The following ECPAS variants were observed in gnomAD, a reference collection of about 807,000 sequenced individuals.
The protein encoded by ECPAS is Ecm29 proteasome adaptor and scaffold, also known as proteasome adapter and scaffold protein ECM29.
ECPAS carries 70 observed loss-of-function variants against 255.1 expected under a neutral mutation model. The observed-to-expected ratio is 0.27, with a 90% CI of 0.23 to 0.33. The LOEUF is 0.33. Ranked by LOEUF, ECPAS falls within the 10% of genes least tolerant of loss-of-function variation. The pLI is 1.00. For missense variants in ECPAS, 1,817 were observed against 2,206.4 expected (o/e 0.82, Z 3.54); for synonymous variants, 784 against 775.0 (o/e 1.01, Z -0.19).
Position 111,370,431 on chromosome 9 carries a change from T to TTA in ECPAS, c.4974+2_4974+3dup. On this transcript the variant is annotated splice_donor_region_variant and intron_variant, in intron 45 of 49. Transcript: ENST00000684092. ...ACCAGAACTGAGGATACAGGTGGTA[T>TTA]TACCTTCTTGATGAGAGGTATGACA... is the stretch of plus-strand genomic sequence containing the variant. 1 of 1,567,094 alleles carries TTA rather than the reference T, an allele frequency of 6.4e-7. No individual in the cohort carries two copies. The highest frequency in any genetic ancestry group is 8.7e-7 in the Non-Finnish European group (1 of 1,153,238).
In ECPAS at chr9:111,378,595, C is replaced by T. The variant is rs199912186; in HGVS notation, c.3939G>A (p.Ala1313=). The T allele has an allele frequency of 9.9e-6, 16 of 1,613,190 alleles. No homozygotes were observed. The Admixed American group carries it at 1.7e-4, about 17-fold the overall frequency. The change falls in exon 36 of 50, where the codon GCG becomes GCA. Residue 1313 remains alanine, a synonymous_variant. Transcript: ENST00000684092. ...PQVLNYLSLR[A]TEQEKAAMDS... is the part of the protein sequence containing the mutation. The stretch of plus-strand genomic sequence containing the variant: ...ATCCACTCACCTTTTCTTGCTCTGT[C>T]GCCCGGAGGCTCAAATAATTGAGAA...
In ECPAS at chr9:111,375,640, C is replaced by T. The variant is rs930290458; in HGVS notation, c.4021-438G>A. ...TTGCTGGCCTTTATTTTTGAAAATG[C>T]AATTAACATGTTTTCTATTACTAAT... On this transcript the variant is annotated intron_variant, in intron 37 of 49. Coordinates refer to ENST00000684092, the MANE Select transcript of ECPAS (RefSeq NM_001364929.1). Among the ~76,000 whole-genome samples the T allele has an allele frequency of 6.6e-5, 10 of 152,106 alleles. No homozygotes were observed. The East Asian group carries it at 1.9e-3, about 29-fold the overall frequency.
chr9:111,410,821 C>A (rs1165935180), intron 22 of ECPAS, among the ~76,000 whole-genome samples, 159 bp downstream of exon 22: 1 of 152,016 alleles, frequency 6.6e-6, no homozygotes, highest in Non-Finnish European at 1.5e-5. Flanking sequence ...ACCCAGCCTT[C>A]GTTGTTACTA....
chr9:111,413,522 G>A (rs1460874805), intron 20 of ECPAS, among the ~76,000 whole-genome samples: 1 of 152,108 alleles, frequency 6.6e-6, no homozygotes, highest in Non-Finnish European at 1.5e-5. Flanking sequence ...GTTTGTCAGA[G>A]GGGAGAGGAA....
intron 2 of ECPAS, among the ~76,000 whole-genome samples, chr9:111,472,292 C>T (rs2098289480): frequency 1.3e-5 from 2 of 152,060 alleles, no homozygotes; most frequent in South Asian, 4.1e-4. Flanking sequence ...TCCATGATGG[C>T]ATTCCTCGAG....
intron 2 of ECPAS, among the ~76,000 whole-genome samples, chr9:111,453,944 G>A (rs1252866881): frequency 6.6e-6 from 1 of 151,882 alleles, no homozygotes; most frequent in East Asian, 1.9e-4. Context: ...GGACATTAAT[G>A]AAAAAACTGG....
At chr9:111,421,427 G>GTGTGTT (rs978515899) in intron 15 of ECPAS, among the ~76,000 whole-genome samples, 1 of 151,396 alleles carries the variant, frequency 6.6e-6, no homozygotes, top group African/African-American at 2.4e-5. Context: ...GTGTGTGTGT[G>GTGTGTT]TGTGTGTGTG....
intron 2 of ECPAS, among the ~76,000 whole-genome samples, chr9:111,470,261 C>T (rs1026601578): frequency 6.6e-6 from 1 of 152,160 alleles, no homozygotes; most frequent in Non-Finnish European, 1.5e-5. Flanking sequence ...TCTGGATCTA[C>T]TACAGGCTAG....
chr9:111,409,082 C>T (rs1287675748), intron 23 of ECPAS, among the ~76,000 whole-genome samples: 4 of 152,286 alleles, frequency 2.6e-5, no homozygotes, highest in Admixed American at 2.0e-4. Context: ...ATAGAGATGA[C>T]AACTGTGCCT....
rs549808535 is a variant in ECPAS at position 111,484,119 on chromosome 9, A to G, written c.-86T>C. 7 of 1,444,856 alleles carry G rather than the reference A, an allele frequency of 4.8e-6. No individual in the cohort carries two copies. The highest frequency in any genetic ancestry group is 1.5e-5 in the African/African-American group (1 of 67,050). 89.5% of individuals were successfully genotyped at this position (1,444,856 alleles called of 1,614,324 possible). On this transcript the variant is annotated 5_prime_UTR_variant, in exon 1 of 50. Coordinates refer to ENST00000684092, the MANE Select transcript of ECPAS (RefSeq NM_001364929.1). ...GGCCCGGGGGCGGGCCTCTGACCTG[A>G]GTCGGAGCCGGTCTCCATGCCGCGG... is the stretch of plus-strand genomic sequence containing the variant.
intron 49 of ECPAS, 25 bp from the exon 50 acceptor site, chr9:111,362,194 A>G: frequency 6.6e-7 from 1 of 1,524,752 alleles, no homozygotes; most frequent in Non-Finnish European, 8.8e-7. Context: ...AAAAACAAAA[A>G]CAAAAAAAAC....
At chr9:111,432,257 C>T (rs1049429828) in intron 8 of ECPAS, among the ~76,000 whole-genome samples, 2 of 152,132 alleles carry the variant, frequency 1.3e-5, no homozygotes, top group African/African-American at 4.8e-5. Flanking sequence ...TGATTCATTA[C>T]TTATTGCAAA....
At chr9:111,372,106 C>G (rs971592301) in intron 42 of ECPAS, among the ~76,000 whole-genome samples, 2 of 152,116 alleles carry the variant, frequency 1.3e-5, no homozygotes, top group Non-Finnish European at 2.9e-5. Context: ...GAAAACTACT[C>G]TAAAATACTC....
intron 3 of ECPAS, among the ~76,000 whole-genome samples, chr9:111,445,348 C>T (rs182753515): frequency 2.1e-4 from 32 of 151,894 alleles, no homozygotes; most frequent in African/African-American, 7.5e-4. Flanking sequence ...CCAAGTTGGG[C>T]CTAGACTGAA....
chr9:111,420,571 T>C (rs1192519942), intron 15 of ECPAS, among the ~76,000 whole-genome samples: 2 of 152,164 alleles, frequency 1.3e-5, no homozygotes, highest in African/African-American at 4.8e-5. Flanking sequence ...CCCCACCAAT[T>C]TGAAGCTAAA....
At chr9:111,406,978 G>A (rs1322177132) in intron 24 of ECPAS, among the ~76,000 whole-genome samples, 2 of 149,244 alleles carry the variant, frequency 1.3e-5, no homozygotes, top group Non-Finnish European at 2.9e-5. Context: ...TCCGTTTCAT[G>A]CTTTTCATTA....
chr9:111,405,620 G>C (rs1187632407), intron 24 of ECPAS, among the ~76,000 whole-genome samples: 3 of 149,934 alleles, frequency 2.0e-5, no homozygotes, highest in Non-Finnish European at 4.4e-5. Context: ...CTATGGCATA[G>C]ACGAAAATAT....
At chr9:111,457,899 G>A (rs567231093) in intron 2 of ECPAS, among the ~76,000 whole-genome samples, 2 of 152,092 alleles carry the variant, frequency 1.3e-5, no homozygotes, top group South Asian at 2.1e-4. Context: ...TACAGACAAC[G>A]TTTTCCAAAC....
chr9:111,397,318 G>A (rs1207520086), intron 24 of ECPAS, among the ~76,000 whole-genome samples, 165 bp from the exon 25 acceptor site: 1 of 152,224 alleles, frequency 6.6e-6, no homozygotes, highest in Non-Finnish European at 1.5e-5. Flanking sequence ...CAGGGATGGT[G>A]AGGGAGTGGA....
Sources: gnomAD v4.1 joint callset for allele counts (sites outside exome capture counted in the v4.1 genomes callset) on GRCh38, gnomAD v4.1.1 for gene constraint, MANE v1.5 for transcripts, NCBI Gene and HGNC (gene_info 2026-07-23, HGNC 2026-07-21) for gene names.